ARL15: variants seen among roughly 807,000 people sequenced by gnomAD.
The protein encoded by ARL15 is ARF like GTPase 15.
ARL15 carries 19 observed loss-of-function variants against 25.2 expected under a neutral mutation model. That is an observed-to-expected ratio of 0.75 (90% confidence interval 0.53 to 1.10). The LOEUF is 1.10. Ranked by LOEUF, ARL15 falls within the 50% of genes least tolerant of loss-of-function variation. ARL15 has a pLI of 0.00. For missense variants in ARL15, 220 were observed against 246.0 expected, an observed-to-expected ratio of 0.89 and a Z score of 0.71; for synonymous variants, 94 against 86.8, an observed-to-expected ratio of 1.08 and a Z score of -0.46.
chr5:54,057,139 T>C (rs1213199471), intron 4 of ARL15, among the ~76,000 whole-genome samples: 1 of 152,056 alleles, frequency 6.6e-6, no homozygotes, highest in African/African-American at 2.4e-5. Flanking sequence ...CAGCCTGCAA[T>C]AGGAACAGCA....
At chr5:54,264,655 C>A (rs552040124) in intron 1 of ARL15, among the ~76,000 whole-genome samples, 1 of 152,282 alleles carries the variant, frequency 6.6e-6, no homozygotes, top group African/African-American at 2.4e-5. Context: ...ATTCCTCAAA[C>A]ACAGAATTGC....
At chr5:54,005,709 G>A (rs1067530) in intron 4 of ARL15, among the ~76,000 whole-genome samples, 110,007 of 151,522 alleles carry the variant, frequency 0.73, 40,176 homozygotes, top group East Asian at 0.85. Flanking sequence ...TAAAAATACA[G>A]AAATTAGCCG....
At chr5:54,038,881 T>A (rs900706524) in intron 4 of ARL15, among the ~76,000 whole-genome samples, 1 of 152,208 alleles carries the variant, frequency 6.6e-6, no homozygotes, top group African/African-American at 2.4e-5. Context: ...TTCATTATAT[T>A]GACACAAAAG....
intron 1 of ARL15, among the ~76,000 whole-genome samples, chr5:54,301,951 G>A (rs1375290497): frequency 6.6e-6 from 1 of 152,228 alleles, no homozygotes; most frequent in Non-Finnish European, 1.5e-5. Context: ...TTCAGATGGT[G>A]AGCTACTATC....
At chr5:54,287,490 G>A (rs16882585) in intron 1 of ARL15, among the ~76,000 whole-genome samples, 3 of 150,466 alleles carry the variant, frequency 2.0e-5, no homozygotes, top group African/African-American at 7.3e-5. Context: ...AGAAGAAAAC[G>A]GCATTCCAGA....
rs527586406 is a variant in ARL15 at position 54,094,077 on chromosome 5, C to T, written c.462+19125G>A. ...ATTACCCTAGAGACACAGTGGTTCTCAAGACTTGAGGCATATAGGCCATCC... is the reference window on the plus strand; with the variant it reads ...ATTACCCTAGAGACACAGTGGTTCTTAAGACTTGAGGCATATAGGCCATCC... On this transcript the variant is annotated intron_variant, in intron 4 of 4. Transcript: ENST00000504924. Among the ~76,000 whole-genome samples, 8 of 152,238 alleles carry T rather than the reference C, an allele frequency of 5.3e-5. No individual in the cohort carries two copies. The South Asian group carries it at 1.7e-3, about 32-fold the overall frequency.
intron 1 of ARL15, chr5:54,282,489 G>C: frequency 1.0e-6 from 1 of 985,390 alleles, no homozygotes; most frequent in Non-Finnish European, 1.2e-6. Flanking sequence ...TTCTAGGCTA[G>C]CTCAAAGACA....
At chr5:54,230,168 G>A (rs1212786126) in intron 1 of ARL15, among the ~76,000 whole-genome samples, 1 of 151,908 alleles carries the variant, frequency 6.6e-6, no homozygotes, top group Non-Finnish European at 1.5e-5. Context: ...TGGCCAATAT[G>A]AAATCCCGTC....
At chr5:54,148,265 G>T (rs1386238152) in intron 3 of ARL15, among the ~76,000 whole-genome samples, 3 of 152,140 alleles carry the variant, frequency 2.0e-5, no homozygotes, top group African/African-American at 7.2e-5. Flanking sequence ...AGCACCCGAA[G>T]ATAACTAGCA....
intron 4 of ARL15, among the ~76,000 whole-genome samples, chr5:54,033,281 C>A (rs1750052247): frequency 6.6e-6 from 1 of 151,688 alleles, no homozygotes. Flanking sequence ...CCACTGCACT[C>A]CAGCTGGGGT....
At chr5:54,163,088 G>A (rs889182911) in intron 2 of ARL15, among the ~76,000 whole-genome samples, 5 of 151,824 alleles carry the variant, frequency 3.3e-5, no homozygotes, top group African/African-American at 1.2e-4. Context: ...GTCCTACTTT[G>A]TTAATAGCTT....
intron 1 of ARL15, among the ~76,000 whole-genome samples, chr5:54,183,302 T>G (rs1319183847): frequency 8.7e-6 from 1 of 115,366 alleles, no homozygotes; most frequent in African/African-American, 3.2e-5. Context: ...TAGATAGCTC[T>G]TATTATTTTG....
chr5:54,303,608 A>AGGTTGCCT, intron 1 of ARL15, among the ~76,000 whole-genome samples: 3 of 147,524 alleles, frequency 2.0e-5, no homozygotes, highest in Admixed American at 6.8e-5. Flanking sequence ...CTGAGTAAGG[A>AGGTTGCCT]GATCGCACCA....
chr5:54,036,639 G>T (rs560628894), intron 4 of ARL15, among the ~76,000 whole-genome samples: 1 of 152,206 alleles, frequency 6.6e-6, no homozygotes, highest in East Asian at 1.9e-4. Flanking sequence ...TGTAAAGATT[G>T]TCAGATACTT....
intron 1 of ARL15, among the ~76,000 whole-genome samples, chr5:54,197,324 C>T (rs537093329): frequency 1.3e-5 from 2 of 152,176 alleles, no homozygotes; most frequent in South Asian, 4.2e-4. Context: ...AATGACTGCT[C>T]TTTTAACACA....
At chr5:54,215,012 T>C (rs1756147921) in intron 1 of ARL15, among the ~76,000 whole-genome samples, 1 of 152,014 alleles carries the variant, frequency 6.6e-6, no homozygotes, top group Non-Finnish European at 1.5e-5. Flanking sequence ...GTCACCCACA[T>C]ACGTGTTTTT....
intron 4 of ARL15, among the ~76,000 whole-genome samples, chr5:53,942,418 C>T (rs1746566710): frequency 6.6e-6 from 1 of 152,080 alleles, no homozygotes; most frequent in African/African-American, 2.4e-5. Flanking sequence ...AAATGTAGGA[C>T]TCATCAGTTT....
intron 1 of ARL15, among the ~76,000 whole-genome samples, chr5:54,265,993 A>G (rs935871242): frequency 4.6e-5 from 7 of 152,238 alleles, no homozygotes; most frequent in Non-Finnish European, 1.0e-4. Context: ...TGACTTGCCC[A>G]AAGTCACAGA....
intron 1 of ARL15, among the ~76,000 whole-genome samples, chr5:54,194,283 G>C (rs1755492098): frequency 6.6e-6 from 1 of 151,988 alleles, no homozygotes. Context: ...TTTTGAACAA[G>C]ACGAGATAAG....
Sources: allele counts gnomAD v4.1 joint callset (sites outside exome capture counted in the v4.1 genomes callset), GRCh38; gene constraint gnomAD v4.1.1; transcripts MANE v1.5; gene names NCBI Gene and HGNC (gene_info 2026-07-23, HGNC 2026-07-21).